Variants in TENM3 observed in about 807,000 individuals in gnomAD.
TENM3 encodes teneurin-3.
In TENM3, 63 loss-of-function variants were observed where a neutral mutation model predicts 255.1. The observed-to-expected ratio is 0.25, with a 90% CI of 0.20 to 0.30. TENM3 has a LOEUF of 0.30. TENM3 is among the 10% of genes least tolerant of loss of function. The pLI, the probability that TENM3 is intolerant of heterozygous loss-of-function variation, is 1.00. For synonymous variants in TENM3, 1,306 were observed against 1,322.3 expected (o/e 0.99, Z 0.27); for missense variants, 2,929 against 3,461.1 (o/e 0.85, Z 3.86).
the TENM3 span, among the ~76,000 whole-genome samples, chr4:181,802,745 T>C: frequency 6.6e-6 from 1 of 152,202 alleles, no homozygotes; most frequent in African/African-American, 2.4e-5. Context: ...TCTCTATTTT[T>C]ATCATTTCAA....
intron 3 of TENM3, among the ~76,000 whole-genome samples, chr4:182,563,326 A>T (rs1024975712): frequency 2.0e-5 from 3 of 152,264 alleles, no homozygotes; most frequent in African/African-American, 7.2e-5. Flanking sequence ...GCTACTTGGG[A>T]TGCTGAGGAG....
chr4:181,520,991 A>T, the TENM3 span, among the ~76,000 whole-genome samples: 2 of 152,346 alleles, frequency 1.3e-5, no homozygotes, highest in African/African-American at 4.8e-5. Context: ...CCCAGAGGGC[A>T]TGCCACATGT....
intron 3 of TENM3, among the ~76,000 whole-genome samples, chr4:182,517,379 C>CT (rs780908155): frequency 0.012 from 1,039 of 89,392 alleles, 57 homozygotes; most frequent in African/African-American, 0.04. Flanking sequence ...AAAGTTCATT[C>CT]TTTTTTTTTT....
the TENM3 span, among the ~76,000 whole-genome samples, chr4:181,605,984 G>T: frequency 2.0e-5 from 3 of 152,128 alleles, no homozygotes; most frequent in African/African-American, 7.2e-5. Context: ...TGACCTGAGG[G>T]TGCTGAAGTG....
At chr4:181,797,431 C>T in the TENM3 span, among the ~76,000 whole-genome samples, 1 of 152,144 alleles carries the variant, frequency 6.6e-6, no homozygotes, top group Non-Finnish European at 1.5e-5. Context: ...TCCTTCCTCT[C>T]CTTTTTCCTC....
chr4:181,885,560 C>G, the TENM3 span, among the ~76,000 whole-genome samples: 1 of 152,120 alleles, frequency 6.6e-6, no homozygotes, highest in African/African-American at 2.4e-5. Flanking sequence ...CGCGCCTGGC[C>G]GAGATTCAAG....
At chr4:182,538,471 G>A (rs1740552764) in intron 3 of TENM3, among the ~76,000 whole-genome samples, 1 of 152,196 alleles carries the variant, frequency 6.6e-6, no homozygotes, top group Non-Finnish European at 1.5e-5. Context: ...AGCATATGCA[G>A]AAGTAGCAGG....
chr4:182,130,690 GT>G, the TENM3 span, among the ~76,000 whole-genome samples: 6 of 148,846 alleles, frequency 4.0e-5, no homozygotes, highest in East Asian at 2.0e-4. Context: ...CCTGTATGCC[GT>G]TTTTTTTTTC....
At chr4:181,583,501 G>A in the TENM3 span, among the ~76,000 whole-genome samples, 4 of 152,134 alleles carry the variant, frequency 2.6e-5, no homozygotes, top group Non-Finnish European at 2.9e-5. Context: ...ATTATAGGCA[G>A]CTATATGGAT....
rs1561153163 is a variant in TENM3 at position 182,161,758 on chromosome 4, C to CAA, written c.-76+17005_-76+17006insAA. ...ACACAAATATATGTGTATATATATA[C>CAA]ATATATATGTGTATATATATATACA... On this transcript the variant is annotated intron_variant, in intron 1 of 2. Coordinates refer to the TENM3 transcript ENST00000512480. Among the ~76,000 whole-genome samples the CAA allele has an allele frequency of 8.1e-3, 395 of 48,488 alleles. 55 individuals are homozygous for CAA. Among genetic ancestry groups the CAA allele is most frequent in the African/African-American group, 0.029 (327 of 11,246 alleles). The allele number at this position is 48,488 out of a possible 152,430, so 31.8% of individuals were successfully genotyped here. A position where few individuals can be genotyped will look rare whatever the true frequency, so the allele number is the denominator to read the frequency against.
the TENM3 span, among the ~76,000 whole-genome samples, chr4:181,599,234 C>T: frequency 6.6e-6 from 1 of 152,138 alleles, no homozygotes; most frequent in Non-Finnish European, 1.5e-5. Flanking sequence ...TCAAGGCACC[C>T]CAATTGAATA....
chr4:182,492,623 G>A (rs1049319164), intron 3 of TENM3, among the ~76,000 whole-genome samples: 1 of 152,128 alleles, frequency 6.6e-6, no homozygotes. Flanking sequence ...AAATACTGTA[G>A]TAGCTTCTGT....
intron 1 of TENM3, among the ~76,000 whole-genome samples, chr4:182,203,766 G>A (rs185220131): frequency 3.6e-4 from 55 of 152,248 alleles, no homozygotes; most frequent in Non-Finnish European, 5.7e-4. Flanking sequence ...GCCCCTCATC[G>A]TGGGCACAGC....
intron 4 of TENM3, among the ~76,000 whole-genome samples, chr4:182,625,830 G>T (rs913416487): frequency 1.3e-5 from 2 of 152,146 alleles, no homozygotes; most frequent in African/African-American, 4.8e-5. Context: ...TCTACGGGCT[G>T]CTGAGCCTCC....
intron 3 of TENM3, among the ~76,000 whole-genome samples, chr4:182,539,889 G>A (rs1449999976): frequency 1.3e-5 from 2 of 152,200 alleles, no homozygotes; most frequent in African/African-American, 4.8e-5. Context: ...ACGTGGAGAT[G>A]TCAGATAGAC....
At chr4:181,873,455 A>G in the TENM3 span, among the ~76,000 whole-genome samples, 2 of 152,272 alleles carry the variant, frequency 1.3e-5, no homozygotes, top group East Asian at 3.9e-4. Context: ...TGTTTTTATC[A>G]TCATTTAACT....
chr4:182,264,983 A>C (rs1260271154), intron 1 of TENM3, among the ~76,000 whole-genome samples: 1 of 147,100 alleles, frequency 6.8e-6, no homozygotes, highest in African/African-American at 2.5e-5. Flanking sequence ...TTGTCTTGTC[A>C]CTCTTAATGC....
At chr4:181,644,898 AT>A in the TENM3 span, among the ~76,000 whole-genome samples, 1 of 152,106 alleles carries the variant, frequency 6.6e-6, no homozygotes, top group Non-Finnish European at 1.5e-5. Flanking sequence ...GAACAGCCAA[AT>A]AAAAATGTTC....
chr4:182,075,478 A>G, the TENM3 span, among the ~76,000 whole-genome samples: 1,008 of 152,168 alleles, frequency 6.6e-3, 3 homozygotes, highest in Middle Eastern at 0.02. Flanking sequence ...GATTACAGGT[A>G]TGAGCCACCA....
Sources: allele counts gnomAD v4.1 joint callset (sites outside exome capture counted in the v4.1 genomes callset), GRCh38; gene constraint gnomAD v4.1.1; transcripts MANE v1.5; gene names NCBI Gene and HGNC (gene_info 2026-07-23, HGNC 2026-07-21).